The following PSD3 variants were observed in gnomAD, a reference collection of about 807,000 sequenced individuals.
PSD3 encodes the protein pleckstrin and Sec7 domain containing 3, also known as PH and SEC7 domain-containing protein 3.
Under a neutral mutation model 105.5 loss-of-function variants are expected in PSD3, and 49 were observed. The ratio of observed to expected loss-of-function variants is 0.46; its 90% confidence interval spans 0.37 to 0.59. The LOEUF is 0.59. Among genes scored for constraint, PSD3 ranks in the 20% least tolerant of loss-of-function variants. The pLI, the probability that PSD3 is intolerant of heterozygous loss-of-function variation, is 0.00. For missense variants in PSD3, 1,561 were observed against 1,263.8 expected (o/e 1.24, Z -3.57); for synonymous variants, 557 against 457.8 (o/e 1.22, Z -2.77).
At chr8:18,711,662 C>T (rs1021988239) in intron 9 of PSD3, among the ~76,000 whole-genome samples, 1 of 152,178 alleles carries the variant, frequency 6.6e-6, no homozygotes, top group African/African-American at 2.4e-5. Context: ...GAGACTTAGA[C>T]TCCCACACAA....
At chr8:18,817,948 T>C (rs1812351479) in intron 4 of PSD3, among the ~76,000 whole-genome samples, 1 of 152,120 alleles carries the variant, frequency 6.6e-6, no homozygotes, top group Non-Finnish European at 1.5e-5. Flanking sequence ...CATTACGTTT[T>C]TTGTTTTTGG....
intron 9 of PSD3, among the ~76,000 whole-genome samples, chr8:18,717,860 G>A (rs369073419): frequency 6.6e-6 from 1 of 151,870 alleles, no homozygotes; most frequent in Non-Finnish European, 1.5e-5. Context: ...GCTCCCTTAC[G>A]AACATTAAAT....
intron 9 of PSD3, among the ~76,000 whole-genome samples, chr8:18,672,287 T>C (rs893763072): frequency 2.0e-5 from 3 of 151,934 alleles, no homozygotes; most frequent in African/African-American, 7.2e-5. Context: ...ACGTGCACAG[T>C]TTATTAAAAA....
chr8:18,565,590 A>G (rs139170445), intron 14 of PSD3, among the ~76,000 whole-genome samples: 50 of 152,338 alleles, frequency 3.3e-4, no homozygotes, highest in Admixed American at 5.2e-4. Flanking sequence ...CTTTTAATTG[A>G]ACGTCTAATT....
chr8:18,566,599 G>T (rs74950636), intron 14 of PSD3, among the ~76,000 whole-genome samples: 2,588 of 151,938 alleles, frequency 0.017, 44 homozygotes, highest in East Asian at 0.076. Flanking sequence ...GAAAGCTGAG[G>T]CCCACAAAGC....
intron 9 of PSD3, among the ~76,000 whole-genome samples, chr8:18,760,782 A>G (rs1012547714): frequency 5.3e-5 from 8 of 152,160 alleles, no homozygotes; most frequent in Non-Finnish European, 8.8e-5. Context: ...ACTGGGTGAA[A>G]GAAGTCCCCA....
intron 4 of PSD3, among the ~76,000 whole-genome samples, chr8:18,864,126 C>T (rs572565664): frequency 1.3e-5 from 2 of 152,306 alleles, no homozygotes; most frequent in African/African-American, 2.4e-5. Flanking sequence ...AAAGCAAATA[C>T]ATTTTTGTTT....
At chr8:18,682,340 C>A (rs766851646) in intron 9 of PSD3, among the ~76,000 whole-genome samples, 1 of 152,132 alleles carries the variant, frequency 6.6e-6, no homozygotes, top group Non-Finnish European at 1.5e-5. Context: ...TTATAGAAGC[C>A]AATTTTATAG....
At chr8:18,675,301 G>A (rs968133270) in intron 9 of PSD3, among the ~76,000 whole-genome samples, 6 of 152,188 alleles carry the variant, frequency 3.9e-5, no homozygotes, top group African/African-American at 1.2e-4. Flanking sequence ...CTGCCCCAGT[G>A]GATTTCTGAG....
At chr8:18,761,096 G>C (rs1409387176) in intron 9 of PSD3, among the ~76,000 whole-genome samples, 2 of 152,148 alleles carry the variant, frequency 1.3e-5, no homozygotes, top group Non-Finnish European at 2.9e-5. Flanking sequence ...ATCAAAGAGG[G>C]AAGTCACTAA....
intron 10 of PSD3, among the ~76,000 whole-genome samples, chr8:18,647,075 T>C (rs746317856): frequency 3.9e-5 from 6 of 152,152 alleles, no homozygotes; most frequent in Non-Finnish European, 8.8e-5. Flanking sequence ...ATGGGCAGTG[T>C]TAAACATAAT....
intron 2 of PSD3, among the ~76,000 whole-genome samples, chr8:18,883,735 G>A (rs1035857058): frequency 3.9e-5 from 6 of 152,064 alleles, no homozygotes; most frequent in Non-Finnish European, 7.4e-5. Flanking sequence ...GAAATGTACG[G>A]GGAAATTCAG....
chr8:18,557,297 T>C (rs1180209375), intron 14 of PSD3, among the ~76,000 whole-genome samples: 1 of 152,214 alleles, frequency 6.6e-6, no homozygotes, highest in Non-Finnish European at 1.5e-5. Context: ...ATGTATTTTA[T>C]ATAACACCAA....
upstream of PSD3, among the ~76,000 whole-genome samples, chr8:19,017,937 T>C (rs1827229357): frequency 6.6e-6 from 1 of 152,236 alleles, no homozygotes; most frequent in Admixed American, 6.5e-5. Flanking sequence ...GAGTAGAAAT[T>C]GTGGGTTATA....
chr8:19,021,243 T>C (rs1193987825), intron 1 of PSD3, among the ~76,000 whole-genome samples: 1 of 152,244 alleles, frequency 6.6e-6, no homozygotes, highest in Non-Finnish European at 1.5e-5. Context: ...CCTTTTCCTT[T>C]CTACAGTTTT....
At chr8:18,897,814 G>T (rs948846866) in intron 2 of PSD3, among the ~76,000 whole-genome samples, 1 of 151,872 alleles carries the variant, frequency 6.6e-6, no homozygotes, top group Non-Finnish European at 1.5e-5. Context: ...TTTGAATGTT[G>T]GTATATAGAA....
In PSD3 at chr8:18,808,638, T is replaced by C. The variant is rs1032688589; in HGVS notation, c.1635-3740A>G. 5 of 1,312,274 alleles carry C rather than the reference T, an allele frequency of 3.8e-6. No homozygotes were observed. The African/African-American group carries it at 4.4e-5, about 12-fold the overall frequency. 81.3% of individuals were successfully genotyped at this position (1,312,274 alleles called of 1,614,324 possible). A position where few individuals can be genotyped will look rare whatever the true frequency, so the allele number is the denominator to read the frequency against. On this transcript the variant is annotated intron_variant, in intron 4 of 15. Transcript: ENST00000327040. ...GAAAATAAAGCACAAAGGATAAATA[T>C]GTCCCTAGATGGCTTCATTCTGTCC...
At chr8:19,084,430 C>A (rs900988068) in exon 1 of PSD3, 4 of 456,176 alleles carry the variant, frequency 8.8e-6, no homozygotes, top group Non-Finnish European at 1.8e-5. Context: ...CATCCCAAGG[C>A]ATCCCTGCAT....
intron 8 of PSD3, among the ~76,000 whole-genome samples, chr8:18,766,340 CA>C (rs1248409920): frequency 6.6e-6 from 1 of 152,028 alleles, no homozygotes; most frequent in African/African-American, 2.4e-5. Context: ...TCTCAAAAAA[CA>C]AAAACAAAGC....
Sources: allele counts gnomAD v4.1 joint callset (sites outside exome capture counted in the v4.1 genomes callset), GRCh38; gene constraint gnomAD v4.1.1; transcripts MANE v1.5; gene names NCBI Gene and HGNC (gene_info 2026-07-23, HGNC 2026-07-21).